SLC45A4: variants seen among roughly 807,000 people sequenced by gnomAD.
SLC45A4 encodes solute carrier family 45 member 4.
SLC45A4 carries 32 observed loss-of-function variants against 63.7 expected under a neutral mutation model. That is an observed-to-expected ratio of 0.50 (90% CI 0.38 to 0.67). The LOEUF (loss-of-function observed/expected upper bound fraction) is 0.67, where lower values mean the gene tolerates loss of function less well. SLC45A4 is among the 30% of genes least tolerant of loss of function. The pLI is 0.00. For missense variants in SLC45A4, 1,027 were observed against 1,157.7 expected (o/e 0.89, Z 1.64); for synonymous variants, 535 against 510.0 (o/e 1.05, Z -0.66).
chr8:141,245,077 T>C (rs138005256), intron 2 of SLC45A4, among the ~76,000 whole-genome samples: 41 of 151,698 alleles, frequency 2.7e-4, no homozygotes, highest in African/African-American at 8.7e-4. Context: ...CTCGACAAGT[T>C]ACCACCAAGG....
intron 1 of SLC45A4, among the ~76,000 whole-genome samples, chr8:141,285,243 A>G (rs1830093876): frequency 6.6e-6 from 1 of 151,940 alleles, no homozygotes; most frequent in Non-Finnish European, 1.5e-5. Context: ...TGGGAACCAC[A>G]ACGCGCCCGC....
At chr8:141,262,613 A>G (rs1399147908) in intron 1 of SLC45A4, among the ~76,000 whole-genome samples, 2 of 150,486 alleles carry the variant, frequency 1.3e-5, no homozygotes, top group Admixed American at 1.3e-4. Context: ...CACATGAAAA[A>G]ATGCTCATCA....
At chr8:141,231,582 C>T (rs7005996) in intron 2 of SLC45A4, among the ~76,000 whole-genome samples, 131,351 of 152,216 alleles carry the variant, frequency 0.86, 57,122 homozygotes, top group East Asian at 1. Flanking sequence ...GCTGGCACTG[C>T]GGGACCCACA....
In SLC45A4 at chr8:141,257,708, G is replaced by A. The variant is rs114334736; in HGVS notation, c.-400-3079C>T. 3.2e-3 allele frequency among the ~76,000 whole-genome samples: 485 copies of A among 152,320 alleles called. 2 individuals are homozygous for A. Among genetic ancestry groups the A allele is most frequent in the African/African-American group, 9.7e-3 (404 of 41,546 alleles). On this transcript the variant is annotated intron_variant, in intron 1 of 8. Transcript: ENST00000517878. ...CCCTCCAGGGACACTTGGCAATGAC[G>A]TGAGACATCTCTGCTTGCGACAACA... is the stretch of plus-strand genomic sequence containing the variant.
chr8:141,226,767 C>G (rs1186395817), intron 2 of SLC45A4: 1 of 152,286 alleles, frequency 6.6e-6, no homozygotes, highest in Non-Finnish European at 1.5e-5. Context: ...AAAGCTCAAG[C>G]CCAATAGGAA....
At position 141,229,972 on chromosome 8, in the gene SLC45A4, C is replaced by A; in HGVS notation, c.242-8207G>T. ...TAGATCCCTGCCTGCACTCCCGAGG[C>A]CGTGGTGCTCTGATGACATCCATGG... On this transcript the variant is annotated intron_variant, in intron 2 of 8. Coordinates refer to ENST00000517878, the MANE Select transcript of SLC45A4 (RefSeq NM_001286646.2). The surrounding 1 kb of genome is among the most constrained non-coding windows in gnomAD (Gnocchi z 5.0). 2.3e-6 allele frequency: 1 copy of A among 439,854 alleles called. No individual in the cohort carries two copies. Among genetic ancestry groups the A allele is most frequent in the South Asian group, 1.6e-5 (1 of 62,226 alleles). 27.2% of individuals were successfully genotyped at this position (439,854 alleles called of 1,614,324 possible). A position where few individuals can be genotyped will look rare whatever the true frequency, so the allele number is the denominator to read the frequency against.
chr8:141,283,899 C>T (rs1247942403), intron 1 of SLC45A4, among the ~76,000 whole-genome samples: 4 of 152,230 alleles, frequency 2.6e-5, no homozygotes, highest in African/African-American at 2.4e-5. Context: ...CAGCTCTGCA[C>T]ATGAGCTCTA....
intron 2 of SLC45A4, among the ~76,000 whole-genome samples, chr8:141,222,485 T>G (rs1156414708): frequency 7.0e-6 from 1 of 142,616 alleles, no homozygotes; most frequent in Non-Finnish European, 1.5e-5. Context: ...ACAGAGAAAC[T>G]GAAGCTCAGA....
chr8:141,290,518 T>C (rs970122157), intron 1 of SLC45A4, among the ~76,000 whole-genome samples: 2 of 152,252 alleles, frequency 1.3e-5, no homozygotes, highest in Admixed American at 1.3e-4. Flanking sequence ...ATATGAGGTG[T>C]TCATGCCACC....
chr8:141,251,151 C>T (rs755883485), intron 2 of SLC45A4, among the ~76,000 whole-genome samples: 4 of 152,304 alleles, frequency 2.6e-5, no homozygotes, highest in Admixed American at 6.5e-5. Context: ...TAATTCCAAG[C>T]GCCTCAGCTT....
At position 141,254,812 on chromosome 8, in the gene SLC45A4, C is replaced by A. The variant is rs1332043713; in HGVS notation, c.-400-183G>T. ...TAACCAAACCTACTTTCTAGAAAAA[C>A]ATTTTCTCATACGAAAGTGAATCCT... On this transcript the variant is annotated intron_variant, in intron 1 of 8. Transcript: ENST00000517878. This position sits in a 1 kb window ranked among gnomAD's most constrained non-coding sequence, Gnocchi z 4.5. 1 of 555,046 alleles carries A rather than the reference C, an allele frequency of 1.8e-6. No homozygotes were observed. Among genetic ancestry groups the A allele is most frequent in the Non-Finnish European group, 3.4e-6 (1 of 293,008 alleles). The allele number at this position is 555,046 out of a possible 1,614,324, so 34.4% of individuals were successfully genotyped here. A position where few individuals can be genotyped will look rare whatever the true frequency, so the allele number is the denominator to read the frequency against.
intron 2 of SLC45A4, chr8:141,228,354 G>A (rs1350410222): frequency 2.4e-5 from 37 of 1,572,212 alleles, no homozygotes; most frequent in African/African-American, 9.4e-5. Flanking sequence ...AAGGAGGGGC[G>A]CCTCAACAGC....
intron 1 of SLC45A4, among the ~76,000 whole-genome samples, chr8:141,258,244 G>T (rs1049161529): frequency 6.6e-6 from 1 of 152,022 alleles, no homozygotes; most frequent in Admixed American, 6.6e-5. Context: ...AGAAGGCGAC[G>T]GTGGAGCCCT....
intron 1 of SLC45A4, among the ~76,000 whole-genome samples, chr8:141,273,109 C>T (rs1829601565): frequency 6.6e-6 from 1 of 152,254 alleles, no homozygotes; most frequent in South Asian, 2.1e-4. Context: ...AACAAGGACA[C>T]ACTGCCCCCA....
At position 141,211,263 on chromosome 8, in the gene SLC45A4, G is replaced by T. The variant is rs561396591; in HGVS notation, c.*309C>A. On this transcript the variant is annotated 3_prime_UTR_variant, in exon 9 of 9. Transcript: ENST00000517878. ...TTTCCTTCCCCCTGACGTTGGGAGC[G>T]GTCTGGAGGGGCAACCTGGCCTCCT... is the stretch of plus-strand genomic sequence containing the variant. The T allele has an allele frequency of 1.7e-4, 91 of 527,062 alleles. No individual in the cohort carries two copies. The highest frequency in any genetic ancestry group is 3.1e-5 in the Non-Finnish European group (10 of 317,694). 32.6% of individuals were successfully genotyped at this position (527,062 alleles called of 1,614,324 possible).
chr8:141,288,641 C>T (rs1173021612), intron 1 of SLC45A4, among the ~76,000 whole-genome samples: 1 of 152,258 alleles, frequency 6.6e-6, no homozygotes, highest in East Asian at 1.9e-4. Flanking sequence ...TCCTGTCCTG[C>T]AGGACTGAGG....
chr8:141,266,110 A>C (rs1408728899), intron 1 of SLC45A4, among the ~76,000 whole-genome samples: 3 of 152,210 alleles, frequency 2.0e-5, no homozygotes, highest in Admixed American at 6.5e-5. Context: ...TCTACAGCAC[A>C]GTCCCAGCGT....
chr8:141,262,676 C>T (rs1829087076), intron 1 of SLC45A4, among the ~76,000 whole-genome samples: 1 of 152,134 alleles, frequency 6.6e-6, no homozygotes, highest in Admixed American at 6.5e-5. Context: ...TACCATCTCA[C>T]ACCAGTTAGA....
At chr8:141,293,426 C>G (rs1589860583) in intron 1 of SLC45A4, among the ~76,000 whole-genome samples, 1 of 152,126 alleles carries the variant, frequency 6.6e-6, no homozygotes, top group South Asian at 2.1e-4. Flanking sequence ...TGCACTCCAG[C>G]CTGGGCAACA....
Sources: gnomAD v4.1 joint callset for allele counts (sites outside exome capture counted in the v4.1 genomes callset) on GRCh38, gnomAD v4.1.1 for gene constraint, Gnocchi (gnomAD v3.1) non-coding constraint, MANE v1.5 for transcripts, NCBI Gene and HGNC (gene_info 2026-07-23, HGNC 2026-07-21) for gene names.